Variants in BRD1 observed in about 807,000 individuals in gnomAD.
BRD1 encodes the protein bromodomain containing 1, also known as bromodomain-containing protein 1.
Under a neutral mutation model 107.7 loss-of-function variants are expected in BRD1, and 24 were observed. The ratio of observed to expected loss-of-function variants is 0.22; its 90% CI spans 0.16 to 0.31. The LOEUF (loss-of-function observed/expected upper bound fraction) is 0.31. BRD1 is among the 10% of genes least tolerant of loss of function. BRD1 has a pLI of 1.00. For synonymous variants in BRD1, 744 were observed against 686.1 expected (o/e 1.08, Z -1.32); for missense variants, 1,279 against 1,638.6 (o/e 0.78, Z 3.79).
intron 3 of BRD1, among the ~76,000 whole-genome samples, chr22:49,802,876 C>T (rs1249276252): frequency 6.6e-6 from 1 of 152,220 alleles, no homozygotes; most frequent in Non-Finnish European, 1.5e-5. Flanking sequence ...ATGCGGTTAA[C>T]TCATTCAACA....
Position 49,827,360 on chromosome 22 carries a change from A to AGCCGCCGCCGCCGCC in BRD1, c.-15+122_-15+136dup, listed in dbSNP as rs1270219044. Reference sequence around the variant, plus strand: ...GGCTCCCGGCCCGCAGACAATGCGGAGCCGCCGCCGCCGCCGCCGCCGCCA... The same window carrying AGCCGCCGCCGCCGCC: ...GGCTCCCGGCCCGCAGACAATGCGGAGCCGCCGCCGCCGCCGCCGCCGCCGCCGCCGCCGCCGCCA... On this transcript the variant is annotated intron_variant, in intron 1 of 12. Transcript: ENST00000404760. 54 of 151,446 alleles carry AGCCGCCGCCGCCGCC rather than the reference A, an allele frequency of 3.6e-4. No homozygotes were observed. The East Asian group carries it at 7.6e-3, about 21-fold the overall frequency. 9.4% of individuals were successfully genotyped at this position (151,446 alleles called of 1,614,324 possible).
intron 10 of BRD1, 108 bp from the exon 11 acceptor site, chr22:49,776,267 G>A (rs975774694): frequency 6.3e-6 from 6 of 946,156 alleles, no homozygotes; most frequent in Non-Finnish European, 9.7e-6. Flanking sequence ...GCACAGCCCA[G>A]CTCCCAGGCC....
chr22:49,815,457 C>T (rs1220552162), intron 2 of BRD1, among the ~76,000 whole-genome samples: 2 of 151,854 alleles, frequency 1.3e-5, no homozygotes, highest in African/African-American at 4.8e-5. Context: ...GCAGGAGAAT[C>T]GCTTGAACCC....
intron 8 of BRD1, among the ~76,000 whole-genome samples, chr22:49,784,824 C>T (rs952761864): frequency 2.0e-5 from 3 of 152,224 alleles, no homozygotes; most frequent in Non-Finnish European, 4.4e-5. Flanking sequence ...AGCCCTTCCC[C>T]GGGCGCCTCG....
At chr22:49,775,824 C>CCCCCCTGCCAGCTGTGTGA in intron 11 of BRD1, 79 bp from the exon 12 acceptor site, 1 of 1,281,046 alleles carries the variant, frequency 7.8e-7, no homozygotes, top group Non-Finnish European at 1.0e-6. Context: ...CACCCCCCCC[C>CCCCCCTGCCAGCTGTGTGA]GCCTCCCCAC....
At chr22:49,794,472 G>A (rs1470686142) in intron 6 of BRD1, among the ~76,000 whole-genome samples, 178 bp from the exon 7 acceptor site, 1 of 152,230 alleles carries the variant, frequency 6.6e-6, no homozygotes, top group Admixed American at 6.5e-5. Context: ...ACGAGTAGCT[G>A]CTGCTACAGG....
At position 49,823,889 on chromosome 22, in the gene BRD1, G is replaced by C. The variant is rs767978825; in HGVS notation, c.429C>G (p.Ile143Met). The C allele has an allele frequency of 6.2e-7, 1 of 1,614,072 alleles. No homozygotes were observed. The highest frequency in any genetic ancestry group is 1.7e-5 in the Admixed American group (1 of 60,012). The part of the protein sequence containing the change: ...PRRPPVYYKF[I>M]EKSAEELDNE... ...TGTCCAGTTCCTCGGCCGACTTCTC[G>C]ATGAACTTGTAGTACACAGGAGGCC... is the stretch of plus-strand genomic sequence containing the variant. The change falls in exon 2 of 13, where the codon ATC becomes ATG. Residue 143 changes from isoleucine to methionine, a missense_variant. Coordinates refer to ENST00000404760, the MANE Select transcript of BRD1 (RefSeq NM_001304808.3).
intron 3 of BRD1, among the ~76,000 whole-genome samples, chr22:49,800,351 T>A (rs1280720168): frequency 6.6e-6 from 1 of 152,122 alleles, no homozygotes; most frequent in Non-Finnish European, 1.5e-5. Flanking sequence ...TTTTCCTCAA[T>A]GCTGCTGAAC....
chr22:49,797,358 G>A (rs1019157500), intron 6 of BRD1, among the ~76,000 whole-genome samples: 12 of 152,168 alleles, frequency 7.9e-5, no homozygotes, highest in African/African-American at 2.2e-4. Flanking sequence ...GAAGTTAGCC[G>A]AGGCCCACTC....
chr22:49,793,362 C>T (rs1428019479), intron 7 of BRD1, among the ~76,000 whole-genome samples: 1 of 152,182 alleles, frequency 6.6e-6, no homozygotes, highest in African/African-American at 2.4e-5. Flanking sequence ...TTTGCTAGTT[C>T]TCCTTCTAGA....
chr22:49,775,837 C>CCCCCCCTGT, intron 11 of BRD1, 92 bp from the exon 12 acceptor site: 1 of 1,293,482 alleles, frequency 7.7e-7, no homozygotes, highest in South Asian at 1.6e-5. Context: ...CTCCCCACCC[C>CCCCCCCTGT]AGCTGTGTGA....
chr22:49,818,895 AT>A (rs1569136496), intron 2 of BRD1, among the ~76,000 whole-genome samples: 1 of 152,062 alleles, frequency 6.6e-6, no homozygotes, highest in Non-Finnish European at 1.5e-5. Flanking sequence ...CAAAAAAAAA[AT>A]GTCATTCTAT....
chr22:49,812,649 G>A (rs879287939), intron 2 of BRD1, among the ~76,000 whole-genome samples: 1 of 152,200 alleles, frequency 6.6e-6, no homozygotes, highest in Non-Finnish European at 1.5e-5. Flanking sequence ...TGTAATTAAC[G>A]GTGTAAAGAG....
chr22:49,823,031 C>T lies in BRD1; in HGVS notation c.1287G>A (p.Lys429=). 6.2e-7 allele frequency: 1 copy of T among 1,614,178 alleles called. No individual in the cohort carries two copies. The highest frequency in any genetic ancestry group is 8.5e-7 in the Non-Finnish European group (1 of 1,180,034). The change falls in exon 2 of 13, where the codon AAG becomes AAA. Residue 429 remains lysine (K), a synonymous_variant. Coordinates refer to ENST00000404760, the MANE Select transcript of BRD1 (RefSeq NM_001304808.3). ...CCAGAGCTTTCTTAGCCTTTTTTGC[C>T]TTCTTCCTGACCTTGGATGTGGACC... The part of the protein sequence containing the change: ...TVRSTSKVRK[K]AKKAKKALAE...
At chr22:49,781,017 C>T (rs4824097) in intron 8 of BRD1, among the ~76,000 whole-genome samples, 27,270 of 152,066 alleles carry the variant, frequency 0.18, 4,698 homozygotes, top group African/African-American at 0.45. Flanking sequence ...TTTTTTTTAA[C>T]GCTGAAAGTA....
intron 8 of BRD1, among the ~76,000 whole-genome samples, chr22:49,782,856 G>A (rs1189927471): frequency 4.0e-5 from 6 of 149,138 alleles, no homozygotes; most frequent in South Asian, 2.1e-4. Context: ...GCTGGGACCC[G>A]CTCCGCGACA....
Position 49,824,047 on chromosome 22 carries a change from G to A in BRD1, c.271C>T (p.Arg91Cys), listed in dbSNP as rs1055976978. The A allele has an allele frequency of 8.1e-6, 13 of 1,613,750 alleles. No individual in the cohort carries two copies. Among genetic ancestry groups the A allele is most frequent in the Non-Finnish European group, 1.1e-5 (13 of 1,180,024 alleles). Residue 91 changes from arginine to cysteine, a missense_variant, in exon 2 of 13, where the codon CGT becomes TGT. Physicochemically the swap from Arg to Cys is radical, Grantham distance 180. Around this residue, in one of 7 missense-constraint regions of BRD1, gnomAD observed 223 missense variants for 263.5 expected, o/e 0.85. Coordinates refer to ENST00000404760, the MANE Select transcript of BRD1 (RefSeq NM_001304808.3). The surrounding 1 kb of genome is among the most constrained non-coding windows in gnomAD (Gnocchi z 5.9). ...ERPPVCLRTK[R>C]HKNNRVKKKN... ...TTTTTGACTCTGTTGTTTTTGTGAC[G>A]CTTAGTTCTTAAGCAGACAGGAGGC...
intron 8 of BRD1, among the ~76,000 whole-genome samples, chr22:49,781,840 G>A (rs560959527): frequency 2.0e-5 from 3 of 152,286 alleles, no homozygotes; most frequent in South Asian, 4.1e-4. Flanking sequence ...AAACACACAC[G>A]GAAGAAGATT....
chr22:49,826,453 T>C (rs2060149736), intron 1 of BRD1, among the ~76,000 whole-genome samples: 2 of 152,222 alleles, frequency 1.3e-5, no homozygotes, highest in Non-Finnish European at 2.9e-5. Context: ...GGGACAAGCA[T>C]TTCCACTGGG....
Sources: gnomAD v4.1 joint callset for allele counts (sites outside exome capture counted in the v4.1 genomes callset) on GRCh38, gnomAD v4.1.1 for gene constraint, gnomAD v4.1.1 regional missense constraint, Gnocchi (gnomAD v3.1) non-coding constraint, MANE v1.5 for transcripts, NCBI Gene and HGNC (gene_info 2026-07-23, HGNC 2026-07-21) for gene names.